The following PCDHA4 variants were observed in gnomAD, a reference collection of about 807,000 sequenced individuals.
PCDHA4 encodes protocadherin alpha 4, also known as protocadherin alpha-4.
In PCDHA4, 49 loss-of-function variants were observed where a neutral mutation model predicts 61.4. The observed-to-expected ratio is 0.80, with a 90% confidence interval of 0.63 to 1.01. PCDHA4 has a LOEUF of 1.01. PCDHA4 is among the 50% of genes least tolerant of loss of function. The probability of loss-of-function intolerance (pLI) is 0.00; values close to 1 mark genes in which losing one functional copy is unlikely to be tolerated. For synonymous variants in PCDHA4, 590 were observed against 550.3 expected (o/e 1.07, Z -1.01); for missense variants, 1,254 against 1,235.8 (o/e 1.01, Z -0.22).
intron 1 of PCDHA4, chr5:140,835,796 C>T (rs1264312076): frequency 5.6e-6 from 9 of 1,613,014 alleles, no homozygotes; most frequent in Non-Finnish European, 7.6e-6. Context: ...ACCCGCCGGG[C>T]TGCCACATCT....
intron 1 of PCDHA4, among the ~76,000 whole-genome samples, chr5:140,974,980 G>C (rs149148015): frequency 6.6e-6 from 1 of 152,090 alleles, no homozygotes; most frequent in African/African-American, 2.4e-5. Flanking sequence ...TGAGTTGTCC[G>C]CTCAGGTATT....
At chr5:140,986,673 A>G (rs782404000) in intron 3 of PCDHA4, among the ~76,000 whole-genome samples, 2 of 152,168 alleles carry the variant, frequency 1.3e-5, no homozygotes. Context: ...TTTTCAGAAG[A>G]GTTCAGAAAG....
chr5:140,909,601 C>G (rs1554193864), intron 1 of PCDHA4, among the ~76,000 whole-genome samples: 1 of 152,170 alleles, frequency 6.6e-6, no homozygotes, highest in Non-Finnish European at 1.5e-5. Context: ...TACTATTTTT[C>G]TAGGTAGAGG....
chr5:140,893,112 G>T (rs782797637), intron 1 of PCDHA4, among the ~76,000 whole-genome samples: 5 of 152,148 alleles, frequency 3.3e-5, no homozygotes, highest in Non-Finnish European at 7.3e-5. Flanking sequence ...ATTCCGTTGT[G>T]CATATACACC....
chr5:140,834,392 C>T (rs2150216428), intron 1 of PCDHA4: 20 of 1,595,562 alleles, frequency 1.3e-5, no homozygotes, highest in Non-Finnish European at 6.0e-6. Context: ...AAATGGTGTG[C>T]CCGAATGGAT....
rs200153004 is a variant in PCDHA4 at position 140,870,042 on chromosome 5, G to A, written c.2385+60470G>A. 5 of 1,613,712 alleles carry A rather than the reference G, an allele frequency of 3.1e-6. No homozygotes were observed. In the East Asian group the frequency reaches 6.7e-5, roughly 22 times the overall value. On this transcript the variant is annotated intron_variant, in intron 1 of 3. Coordinates refer to ENST00000530339, the MANE Select transcript of PCDHA4 (RefSeq NM_018907.4). The stretch of plus-strand genomic sequence containing the variant: ...GAACTTTAGATTATGAAGAAAACAA[G>A]TTTTATAAAATTGAAGTACAGGCTA...
intron 1 of PCDHA4, chr5:140,883,651 G>T: frequency 6.2e-7 from 1 of 1,613,652 alleles, no homozygotes. Context: ...CCGAGTACAC[G>T]GTGTTCGTGA....
intron 1 of PCDHA4, among the ~76,000 whole-genome samples, chr5:140,955,262 CT>C (rs1165777806): frequency 3.9e-5 from 6 of 152,044 alleles, no homozygotes; most frequent in African/African-American, 1.4e-4. Flanking sequence ...TATAAAGGCT[CT>C]TTTTTGGTTC....
chr5:140,876,473 G>A, intron 1 of PCDHA4: 1 of 1,614,038 alleles, frequency 6.2e-7, no homozygotes, highest in South Asian at 1.1e-5. Context: ...GCAGGTCACA[G>A]CATGGTCCTG....
chr5:140,987,709 T>TATG (rs1359366930), intron 3 of PCDHA4, among the ~76,000 whole-genome samples: 1 of 152,190 alleles, frequency 6.6e-6, no homozygotes, highest in Non-Finnish European at 1.5e-5. Flanking sequence ...TTTTTCCAGG[T>TATG]ATGAGTCTAT....
intron 1 of PCDHA4, chr5:140,882,754 T>C: frequency 1.2e-6 from 2 of 1,614,228 alleles, no homozygotes; most frequent in South Asian, 1.1e-5. Flanking sequence ...ATGCAGATAT[T>C]GGAGTAAACT....
chr5:140,808,229 C>T lies in PCDHA4; in HGVS notation c.1042C>T (p.Pro348Ser), dbSNP rs1764129045. Residue 348 changes from proline to serine, a missense_variant, in exon 1 of 4, where the codon CCA becomes TCA. Coordinates refer to ENST00000530339, the MANE Select transcript of PCDHA4 (RefSeq NM_018907.4). The part of the protein sequence containing the change: ...VEVEDNNDNV[P>S]DLEFKSLSLP... Reference sequence around the variant, plus strand: ...AGTAGAAGACAACAACGATAATGTCCCAGATTTGGAATTCAAGTCTTTATC... The same window carrying T: ...AGTAGAAGACAACAACGATAATGTCTCAGATTTGGAATTCAAGTCTTTATC... 3 of 1,614,060 alleles carry T rather than the reference C, an allele frequency of 1.9e-6. No individual in the cohort carries two copies. The highest frequency in any genetic ancestry group is 1.7e-5 in the Admixed American group (1 of 60,002).
At chr5:140,817,834 TTA>T (rs1554127320) in intron 1 of PCDHA4, among the ~76,000 whole-genome samples, 2 of 152,224 alleles carry the variant, frequency 1.3e-5, no homozygotes, top group Non-Finnish European at 2.9e-5. Flanking sequence ...TGTCTTAATT[TTA>T]CTATCACTTT....
Position 140,956,653 on chromosome 5 carries a change from G to A in PCDHA4, c.2386-22296G>A, listed in dbSNP as rs146062919. ...TGCCAGGTTTTGGTATCAGGATGAT[G>A]CTGGCCTTAAAGGAGTTAGGGAGGA... On this transcript the variant is annotated intron_variant, in intron 1 of 3. Transcript: ENST00000530339. 5.2e-4 allele frequency among the ~76,000 whole-genome samples: 79 copies of A among 152,240 alleles called. 1 individual carries two copies. The highest frequency in any genetic ancestry group is 1.9e-3 in the African/African-American group (79 of 41,558).
chr5:141,001,395 A>G (rs1331071816), intron 3 of PCDHA4, among the ~76,000 whole-genome samples: 1 of 152,202 alleles, frequency 6.6e-6, no homozygotes. Flanking sequence ...TCCTACAGAG[A>G]ACAGGGAGTA....
At chr5:140,871,297 G>T (rs781824958) in intron 1 of PCDHA4, 1 of 1,613,896 alleles carries the variant, frequency 6.2e-7, no homozygotes, top group Non-Finnish European at 8.5e-7. Flanking sequence ...GGGCGCGTGC[G>T]CGCCGGGGAA....
At chr5:140,889,156 G>T in intron 1 of PCDHA4, among the ~76,000 whole-genome samples, 1 of 150,034 alleles carries the variant, frequency 6.7e-6, no homozygotes, top group Admixed American at 6.6e-5. Flanking sequence ...TTTCTTCTTT[G>T]TTAAGTATTC....
chr5:140,848,547 C>G, intron 1 of PCDHA4: 1 of 1,595,512 alleles, frequency 6.3e-7, no homozygotes, highest in Non-Finnish European at 8.6e-7. Flanking sequence ...ACTGCTCTCG[C>G]TTCTGATCCT....
intron 1 of PCDHA4, chr5:140,869,853 C>T: frequency 1.2e-6 from 2 of 1,610,606 alleles, no homozygotes; most frequent in South Asian, 2.2e-5. Flanking sequence ...ATAAGGTGAG[C>T]CTTATGGAAA....
Sources: gnomAD v4.1 joint callset for allele counts (sites outside exome capture counted in the v4.1 genomes callset) on GRCh38, gnomAD v4.1.1 for gene constraint, MANE v1.5 for transcripts, NCBI Gene and HGNC (gene_info 2026-07-23, HGNC 2026-07-21) for gene names.